Variants in KIAA1549L observed in about 807,000 individuals in gnomAD.
KIAA1549L encodes KIAA1549 like, also known as UPF0606 protein KIAA1549L.
In KIAA1549L, 88 loss-of-function variants were observed where a neutral mutation model predicts 160.7. The ratio of observed to expected loss-of-function variants is 0.55; its 90% CI spans 0.46 to 0.65. The LOEUF is 0.65. Ranked by LOEUF, KIAA1549L falls within the 30% of genes least tolerant of loss-of-function variation. The probability of loss-of-function intolerance (pLI) is 0.00; values close to 1 mark genes in which losing one functional copy is unlikely to be tolerated. For missense variants in KIAA1549L, 2,258 were observed against 2,437.5 expected (o/e 0.93, Z 1.55); for synonymous variants, 950 against 976.7 (o/e 0.97, Z 0.51).
At chr11:33,530,412 AG>A (rs1221447309) in intron 1 of KIAA1549L, among the ~76,000 whole-genome samples, 15 of 17,992 alleles carry the variant, frequency 8.3e-4, no homozygotes, top group African/African-American at 3.4e-3. Flanking sequence ...AAGAAGAAGA[AG>A]GAAAAAAAAA....
intron 11 of KIAA1549L, among the ~76,000 whole-genome samples, chr11:33,587,994 C>T (rs1490977500): frequency 6.6e-6 from 1 of 152,186 alleles, no homozygotes; most frequent in African/African-American, 2.4e-5. Context: ...TGTTCCAGCT[C>T]TGTGTCACAT....
At chr11:33,561,230 G>C (rs1312640404) in intron 7 of KIAA1549L, among the ~76,000 whole-genome samples, 2 of 152,206 alleles carry the variant, frequency 1.3e-5, no homozygotes, top group East Asian at 3.8e-4. Context: ...GCAAAGACAG[G>C]TTCCTGCTGT....
At chr11:33,508,450 T>A (rs1853144802) in intron 1 of KIAA1549L, among the ~76,000 whole-genome samples, 1 of 152,204 alleles carries the variant, frequency 6.6e-6, no homozygotes, top group Non-Finnish European at 1.5e-5. Context: ...AAACTGCTCT[T>A]CTTTGCTCTT....
intron 1 of KIAA1549L, among the ~76,000 whole-genome samples, chr11:33,377,671 C>G (rs1849984703): frequency 6.6e-6 from 1 of 152,080 alleles, no homozygotes; most frequent in African/African-American, 2.4e-5. Flanking sequence ...GTGTTTCTGA[C>G]GAAATTCTGA....
chr11:33,439,063 A>G (rs1308142011), intron 1 of KIAA1549L, among the ~76,000 whole-genome samples: 1 of 151,946 alleles, frequency 6.6e-6, no homozygotes, highest in African/African-American at 2.4e-5. Flanking sequence ...AGTAGCTAAA[A>G]TTACAGATGT....
intron 1 of KIAA1549L, among the ~76,000 whole-genome samples, chr11:33,380,732 TTGGGCGCATATG>T (rs1297995737): frequency 2.6e-5 from 4 of 152,096 alleles, no homozygotes; most frequent in Non-Finnish European, 5.9e-5. Flanking sequence ...TACCACTGCA[TTGGGCGCATATG>T]TATTTAGAAT....
At chr11:33,621,759 C>T (rs763920106) in intron 16 of KIAA1549L, among the ~76,000 whole-genome samples, 5 of 152,104 alleles carry the variant, frequency 3.3e-5, no homozygotes, top group South Asian at 2.1e-4. Context: ...TATGTGGATA[C>T]GAAACCTTTG....
At chr11:33,491,403 G>A (rs905228815) in intron 1 of KIAA1549L, among the ~76,000 whole-genome samples, 9 of 152,140 alleles carry the variant, frequency 5.9e-5, no homozygotes, top group East Asian at 1.9e-4. Flanking sequence ...ACGTTAATTT[G>A]TTAGGGGTTG....
intron 12 of KIAA1549L, among the ~76,000 whole-genome samples, chr11:33,595,793 C>A (rs2133297181): frequency 6.6e-6 from 1 of 152,236 alleles, no homozygotes; most frequent in Non-Finnish European, 1.5e-5. Flanking sequence ...GTTAGATGAT[C>A]CAAGAAGTTT....
intron 3 of KIAA1549L, among the ~76,000 whole-genome samples, chr11:33,547,397 A>G (rs1375843597): frequency 6.6e-6 from 1 of 152,156 alleles, no homozygotes; most frequent in Non-Finnish European, 1.5e-5. Flanking sequence ...GGGTTGTTTG[A>G]GGCCGCAGCA....
intron 1 of KIAA1549L, among the ~76,000 whole-genome samples, chr11:33,505,531 G>A (rs973310298): frequency 5.9e-5 from 9 of 152,094 alleles, no homozygotes; most frequent in African/African-American, 1.9e-4. Context: ...AGAAATGCAG[G>A]TTATTCTCCA....
At chr11:33,662,305 A>T (rs1852293260) in intron 20 of KIAA1549L, among the ~76,000 whole-genome samples, 1 of 152,074 alleles carries the variant, frequency 6.6e-6, no homozygotes, top group African/African-American at 2.4e-5. Context: ...GCCCACCCTT[A>T]AGTGTGCTTT....
chr11:33,598,186 ATGTTTGTG>A (rs1564916985), intron 12 of KIAA1549L, among the ~76,000 whole-genome samples: 1 of 113,660 alleles, frequency 8.8e-6, no homozygotes, highest in African/African-American at 4.3e-5. Flanking sequence ...TAGAGAGAGA[ATGTTTGTG>A]TGTGTGTGTG....
At chr11:33,405,839 C>A (rs1251899281) in intron 1 of KIAA1549L, among the ~76,000 whole-genome samples, 5 of 68,868 alleles carry the variant, frequency 7.3e-5, no homozygotes, top group Non-Finnish European at 8.1e-5. Context: ...CAGTCTGTCT[C>A]AAAAAAAAAA....
intron 1 of KIAA1549L, among the ~76,000 whole-genome samples, chr11:33,402,145 C>G (rs1224196900): frequency 6.6e-6 from 1 of 152,204 alleles, no homozygotes; most frequent in Non-Finnish European, 1.5e-5. Flanking sequence ...ATGGACACTT[C>G]AGCTAGGTGG....
At chr11:33,594,509 A>G (rs1455269461) in intron 12 of KIAA1549L, among the ~76,000 whole-genome samples, 1 of 152,198 alleles carries the variant, frequency 6.6e-6, no homozygotes, top group Non-Finnish European at 1.5e-5. Context: ...GCCTTTGTTC[A>G]TATGGTTTCT....
At chr11:33,381,042 G>A (rs1427281531) in intron 1 of KIAA1549L, among the ~76,000 whole-genome samples, 2 of 151,820 alleles carry the variant, frequency 1.3e-5, no homozygotes, top group Admixed American at 6.5e-5. Flanking sequence ...GTTCGTTACC[G>A]TTACCTCAGA....
intron 14 of KIAA1549L, among the ~76,000 whole-genome samples, chr11:33,607,329 A>G (rs1475639997): frequency 1.3e-5 from 2 of 152,238 alleles, no homozygotes; most frequent in African/African-American, 4.8e-5. Context: ...CCAGAAAGCT[A>G]TCAATGGATA....
chr11:33,434,280 G>A (rs184945815), intron 1 of KIAA1549L, among the ~76,000 whole-genome samples: 2 of 152,212 alleles, frequency 1.3e-5, no homozygotes, highest in African/African-American at 4.8e-5. Context: ...TTTATAAATG[G>A]GAGTTCCCCT....
Sources: allele counts gnomAD v4.1 joint callset (sites outside exome capture counted in the v4.1 genomes callset), GRCh38; gene constraint gnomAD v4.1.1; transcripts MANE v1.5; gene names NCBI Gene and HGNC (gene_info 2026-07-23, HGNC 2026-07-21).